The following ZNF385D variants were observed in gnomAD, a reference collection of about 807,000 sequenced individuals.
The protein encoded by ZNF385D is zinc finger protein 659.
Under a neutral mutation model 35.8 loss-of-function variants are expected in ZNF385D, and 15 were observed. The ratio of observed to expected loss-of-function variants is 0.42; its 90% confidence interval spans 0.28 to 0.64. The LOEUF (loss-of-function observed/expected upper bound fraction) is 0.64, where lower values mean the gene tolerates loss of function less well. ZNF385D is among the 30% of genes least tolerant of loss of function. The probability of loss-of-function intolerance (pLI) is 0.23; values close to 1 mark genes in which losing one functional copy is unlikely to be tolerated. For synonymous variants in ZNF385D, 212 were observed against 186.8 expected (o/e 1.13, Z -1.10); for missense variants, 474 against 494.6 (o/e 0.96, Z 0.39).
intron 1 of ZNF385D, among the ~76,000 whole-genome samples, chr3:21,677,305 A>T (rs569953110): frequency 6.6e-6 from 1 of 152,142 alleles, no homozygotes; most frequent in African/African-American, 2.4e-5. Context: ...GAGAAAACAC[A>T]GGTTTTTCTG....
At chr3:22,240,484 C>A (rs1699434544) in intron 2 of ZNF385D, among the ~76,000 whole-genome samples, 1 of 150,932 alleles carries the variant, frequency 6.6e-6, no homozygotes. Context: ...GATCACCCAC[C>A]TTTACTTAGC....
intron 1 of ZNF385D, among the ~76,000 whole-genome samples, chr3:21,711,505 T>G (rs2068107626): frequency 6.6e-6 from 1 of 152,158 alleles, no homozygotes; most frequent in African/African-American, 2.4e-5. Context: ...ACGACAGTAA[T>G]TAAACGACAA....
At chr3:22,264,175 C>A (rs1576584929) in intron 2 of ZNF385D, among the ~76,000 whole-genome samples, 1 of 151,922 alleles carries the variant, frequency 6.6e-6, no homozygotes, top group Non-Finnish European at 1.5e-5. Flanking sequence ...TCAATTTGGA[C>A]TAGGTCTTGG....
rs573475955 is a variant in ZNF385D, at chr3:21,467,524, C to T, written c.440-30321G>A. Among the ~76,000 whole-genome samples, 8 of 152,250 alleles carry T rather than the reference C, an allele frequency of 5.3e-5. No homozygotes were observed. In the South Asian group the frequency reaches 1.7e-3, roughly 32 times the overall value. On this transcript the variant is annotated intron_variant, in intron 4 of 7. Coordinates refer to ENST00000281523, the MANE Select transcript of ZNF385D (RefSeq NM_024697.3). ...AACATCTCTAATTTAGTCTAACCTG[C>T]GAATAGCAGAAAGGGGGCAAGCTGG... is the stretch of plus-strand genomic sequence containing the variant.
intron 4 of ZNF385D, among the ~76,000 whole-genome samples, chr3:21,471,328 CACACA>C (rs1360057145): frequency 2.2e-5 from 3 of 134,380 alleles, no homozygotes; most frequent in African/African-American, 7.9e-5. Flanking sequence ...CACACACACA[CACACA>C]CACCTTGGTG....
intron 2 of ZNF385D, among the ~76,000 whole-genome samples, chr3:22,212,023 T>G (rs565979877): frequency 1.2e-4 from 19 of 152,158 alleles, no homozygotes; most frequent in Middle Eastern, 3.4e-3. Context: ...AATTCACAAA[T>G]GGTAATCCTC....
intron 2 of ZNF385D, among the ~76,000 whole-genome samples, chr3:22,249,430 A>G (rs1245990936): frequency 1.3e-5 from 2 of 152,160 alleles, no homozygotes; most frequent in Non-Finnish European, 2.9e-5. Flanking sequence ...GGGTCTCTTA[A>G]GCATTCAACT....
Position 21,970,428 on chromosome 3 carries a change from C to A in ZNF385D, c.325+198389G>T, listed in dbSNP as rs1270539793. Reference sequence around the variant, plus strand: ...GACATACTGTAAAATGCATTAGGGTCTCTTAACAGCAGAATTGATCAAGCA... The same window carrying A: ...GACATACTGTAAAATGCATTAGGGTATCTTAACAGCAGAATTGATCAAGCA... On this transcript the variant is annotated intron_variant, in intron 3 of 5. Coordinates refer to the ZNF385D transcript ENST00000494108. Among the ~76,000 whole-genome samples the A allele has an allele frequency of 2.0e-5, 3 of 151,056 alleles. No individual in the cohort carries two copies. In the East Asian group the frequency reaches 5.8e-4, roughly 29 times the overall value.
intron 3 of ZNF385D, among the ~76,000 whole-genome samples, chr3:21,525,146 C>T (rs1290486567): frequency 6.6e-6 from 1 of 152,106 alleles, no homozygotes; most frequent in African/African-American, 2.4e-5. Context: ...ATGTAAGCAC[C>T]TCCAGCTTCT....
intron 3 of ZNF385D, among the ~76,000 whole-genome samples, chr3:22,101,188 C>G (rs1329916441): frequency 6.6e-6 from 1 of 151,904 alleles, no homozygotes; most frequent in African/African-American, 2.4e-5. Context: ...GTATTCAAGA[C>G]AGATTTAAGA....
chr3:22,310,494 C>G (rs1703479261), intron 2 of ZNF385D, among the ~76,000 whole-genome samples: 2 of 151,932 alleles, frequency 1.3e-5, no homozygotes, highest in South Asian at 4.1e-4. Flanking sequence ...TCCAGGTTTT[C>G]ACTGTTGTAA....
At chr3:22,321,563 C>T (rs1272568216) in intron 2 of ZNF385D, among the ~76,000 whole-genome samples, 1 of 151,906 alleles carries the variant, frequency 6.6e-6, no homozygotes, top group East Asian at 1.9e-4. Flanking sequence ...GGCAGGGTTT[C>T]ACTGTGTTAG....
intron 2 of ZNF385D, among the ~76,000 whole-genome samples, chr3:22,311,651 A>C (rs1322592614): frequency 6.6e-6 from 1 of 152,140 alleles, no homozygotes; most frequent in African/African-American, 2.4e-5. Context: ...TAAGCTTGTA[A>C]TATTAATTCT....
chr3:21,928,312 G>A (rs937192250), intron 3 of ZNF385D, among the ~76,000 whole-genome samples: 2 of 147,176 alleles, frequency 1.4e-5, no homozygotes. Flanking sequence ...AAGGAAGGTA[G>A]GAGGGAGGAA....
intron 3 of ZNF385D, among the ~76,000 whole-genome samples, chr3:21,842,397 T>C (rs544467332): frequency 2.6e-5 from 4 of 152,142 alleles, no homozygotes; most frequent in East Asian, 1.9e-4. Context: ...CTGATTCCTA[T>C]TGCCTATGTG....
intron 3 of ZNF385D, among the ~76,000 whole-genome samples, chr3:22,136,291 G>C (rs1201936282): frequency 2.0e-5 from 3 of 152,132 alleles, no homozygotes; most frequent in Non-Finnish European, 4.4e-5. Flanking sequence ...GGGAGGCTGA[G>C]GTACGAGAAT....
chr3:22,000,030 G>C (rs111618553), intron 3 of ZNF385D, among the ~76,000 whole-genome samples: 1 of 152,148 alleles, frequency 6.6e-6, no homozygotes, highest in African/African-American at 2.4e-5. Flanking sequence ...TCTAGGCCGG[G>C]CATGGTGGCT....
intron 1 of ZNF385D, among the ~76,000 whole-genome samples, chr3:21,726,528 C>A (rs1175662240): frequency 1.3e-5 from 2 of 152,068 alleles, no homozygotes. Context: ...TTCCTGTACA[C>A]CAATAACAAA....
intron 3 of ZNF385D, among the ~76,000 whole-genome samples, chr3:21,522,400 C>T (rs571484832): frequency 3.9e-5 from 6 of 152,202 alleles, no homozygotes; most frequent in East Asian, 1.9e-4. Context: ...TGCAATGGCA[C>T]GATCTTGGCT....
Sources: gnomAD v4.1 joint callset for allele counts (sites outside exome capture counted in the v4.1 genomes callset) on GRCh38, gnomAD v4.1.1 for gene constraint, MANE v1.5 for transcripts, NCBI Gene and HGNC (gene_info 2026-07-23, HGNC 2026-07-21) for gene names.